Variants in CHMP3 observed in about 807,000 individuals in gnomAD.
CHMP3 encodes the protein 25.1 protein.
In CHMP3, 8 loss-of-function variants were observed where a neutral mutation model predicts 27.4. The observed-to-expected ratio is 0.29, with a 90% CI of 0.17 to 0.53. The LOEUF is 0.53. Among genes scored for constraint, CHMP3 ranks in the 20% least tolerant of loss-of-function variants. The probability of loss-of-function intolerance (pLI) is 0.96; values close to 1 mark genes in which losing one functional copy is unlikely to be tolerated. For synonymous variants in CHMP3, 86 were observed against 85.5 expected (o/e 1.01, Z -0.03); for missense variants, 208 against 271.5 (o/e 0.77, Z 1.64).
chr2:86,542,430 T>C, intron 1 of CHMP3, 118 bp from the exon 2 acceptor site: 1 of 1,024,224 alleles, frequency 9.8e-7, no homozygotes, highest in South Asian at 1.5e-5. Context: ...AAAAGCCATT[T>C]TCAAAGACAG....
chr2:86,536,358 C>T (rs1676141756), intron 2 of CHMP3, among the ~76,000 whole-genome samples: 2 of 152,200 alleles, frequency 1.3e-5, no homozygotes, highest in Non-Finnish European at 2.9e-5. Context: ...CTTCATACAT[C>T]ATCAAGTTAC....
chr2:86,554,265 T>G (rs949380995), intron 1 of CHMP3, among the ~76,000 whole-genome samples: 3 of 152,244 alleles, frequency 2.0e-5, no homozygotes, highest in African/African-American at 7.2e-5. Flanking sequence ...TATTTTGTGA[T>G]AGCAACTCAA....
intron 4 of CHMP3, among the ~76,000 whole-genome samples, chr2:86,509,960 T>C (rs1311384286): frequency 6.6e-6 from 1 of 152,226 alleles, no homozygotes; most frequent in Non-Finnish European, 1.5e-5. Context: ...TCTCCTTTTT[T>C]AGTTTAAAAC....
intron 3 of CHMP3, chr2:86,512,125 T>A (rs1046737461): frequency 1.3e-5 from 2 of 152,240 alleles, no homozygotes; most frequent in African/African-American, 2.4e-5. Context: ...GTGGTTGCTA[T>A]GGTTTGAATA....
At chr2:86,558,538 G>C (rs1453155146) in intron 1 of CHMP3, among the ~76,000 whole-genome samples, 1 of 152,148 alleles carries the variant, frequency 6.6e-6, no homozygotes, top group Non-Finnish European at 1.5e-5. Context: ...GAGCTCTGGA[G>C]ATACCACCCA....
intron 3 of CHMP3, among the ~76,000 whole-genome samples, chr2:86,527,899 T>G (rs1366963030): frequency 6.6e-6 from 1 of 150,510 alleles, no homozygotes; most frequent in Non-Finnish European, 1.5e-5. Flanking sequence ...AGGCGCAGAT[T>G]GCATTTAGCC....
intron 1 of CHMP3, among the ~76,000 whole-genome samples, chr2:86,547,013 ACTT>A (rs376630802): frequency 4.6e-5 from 7 of 152,184 alleles, no homozygotes; most frequent in African/African-American, 1.4e-4. Flanking sequence ...TGTTTTCTGA[ACTT>A]CTTCTTAAAG....
At chr2:86,518,471 GA>G (rs901976877) in intron 3 of CHMP3, among the ~76,000 whole-genome samples, 14 of 151,598 alleles carry the variant, frequency 9.2e-5, no homozygotes, top group African/African-American at 1.7e-4. Context: ...GCCTCCACTT[GA>G]AAAAAAATAA....
At chr2:86,549,725 CA>C (rs1462250596) in intron 1 of CHMP3, among the ~76,000 whole-genome samples, 2 of 135,642 alleles carry the variant, frequency 1.5e-5, no homozygotes, top group Non-Finnish European at 3.1e-5. Context: ...GGCGGCCGGG[CA>C]GAGGCACCCA....
At chr2:86,539,070 T>C (rs1676257631) in intron 2 of CHMP3, among the ~76,000 whole-genome samples, 1 of 152,192 alleles carries the variant, frequency 6.6e-6, no homozygotes, top group Non-Finnish European at 1.5e-5. Context: ...AAATTCATTT[T>C]GCAGTTGCTC....
rs1348972454 is a variant in CHMP3, at chr2:86,548,176, TCTC to T, written c.46-5867_46-5865del. Reference sequence around the variant, plus strand: ...TATGATTTCAGGTTAGAGGAGGAGTTCTCTTTTTTTTTTTTTTTTTTTTTAGTA... The same window carrying T: ...TATGATTTCAGGTTAGAGGAGGAGTTTTTTTTTTTTTTTTTTTTTTTAGTA... On this transcript the variant is annotated intron_variant, in intron 1 of 5. Coordinates refer to ENST00000263856, the MANE Select transcript of CHMP3 (RefSeq NM_016079.4). 1.6e-4 allele frequency among the ~76,000 whole-genome samples: 21 copies of T among 134,924 alleles called. 1 individual carries two copies. The highest frequency in any genetic ancestry group is 2.8e-4 in the Non-Finnish European group (18 of 63,446). 88.5% of individuals were successfully genotyped at this position (134,924 alleles called of 152,430 possible).
In CHMP3 at chr2:86,505,661, C is replaced by T; in HGVS notation, c.*143G>A. The stretch of plus-strand genomic sequence containing the variant: ...TTATAAGAACAATCCCTTTGCGATC[C>T]CAAAACCTGGGCAGAGAATGAAAAG... On this transcript the variant is annotated 3_prime_UTR_variant, in exon 6 of 6. Coordinates refer to ENST00000263856, the MANE Select transcript of CHMP3 (RefSeq NM_016079.4). The T allele has an allele frequency of 8.3e-7, 1 of 1,211,714 alleles. No homozygotes were observed. The highest frequency in any genetic ancestry group is 3.0e-5 in the Admixed American group (1 of 33,260). The allele number at this position is 1,211,714 out of a possible 1,614,324, so 75.1% of individuals were successfully genotyped here.
chr2:86,563,061 G>A (rs1016452848), intron 1 of CHMP3: 4 of 457,972 alleles, frequency 8.7e-6, no homozygotes, highest in South Asian at 7.8e-5. Flanking sequence ...TCAGTGGCGA[G>A]GTGGAGAAAC....
intron 3 of CHMP3, chr2:86,511,215 C>A (rs1246429723): frequency 6.6e-6 from 1 of 152,124 alleles, no homozygotes; most frequent in Admixed American, 6.5e-5. Context: ...ACACAGACTT[C>A]CTTCCTCCTG....
chr2:86,508,968 A>G (rs930324128), intron 4 of CHMP3, among the ~76,000 whole-genome samples: 4 of 152,196 alleles, frequency 2.6e-5, no homozygotes, highest in African/African-American at 9.7e-5. Context: ...TGGAGGTAGA[A>G]GTTGTCATTT....
chr2:86,563,398 A>C lies in CHMP3; in HGVS notation c.-50T>G, dbSNP rs769510800. On this transcript the variant is annotated 5_prime_UTR_variant, in exon 1 of 6. Coordinates refer to ENST00000263856, the MANE Select transcript of CHMP3 (RefSeq NM_016079.4). ...TTCCGGCTTTCAGTTCCCCGCGCCC[A>C]GGCAGGTCACGGGCAGCCGCCTGGG... The C allele has an allele frequency of 1.6e-5, 25 of 1,600,470 alleles. No homozygotes were observed. The South Asian group carries it at 2.1e-4, about 13-fold the overall frequency.
At chr2:86,559,655 T>C (rs1469070350) in intron 1 of CHMP3, among the ~76,000 whole-genome samples, 1 of 152,172 alleles carries the variant, frequency 6.6e-6, no homozygotes, top group African/African-American at 2.4e-5. Flanking sequence ...GACATTCTTC[T>C]AACAAACTAA....
chr2:86,503,768 G>A lies in CHMP3; in HGVS notation c.*2036C>T, dbSNP rs1006643044. On this transcript the variant is annotated 3_prime_UTR_variant, in exon 6 of 6. Transcript: ENST00000263856. ...AAGAACTATGGCGACAGTAAAAAGT[G>A]GTTGCCAAAGAAAGATCATGTCCTT... 1.4e-4 allele frequency: 22 copies of A among 152,222 alleles called. No homozygotes were observed. The highest frequency in any genetic ancestry group is 2.4e-4 in the Non-Finnish European group (16 of 68,046). The allele number at this position is 152,222 out of a possible 1,614,324, so 9.4% of individuals were successfully genotyped here.
intron 1 of CHMP3, among the ~76,000 whole-genome samples, chr2:86,554,443 A>G (rs1424439905): frequency 6.6e-6 from 1 of 152,230 alleles, no homozygotes; most frequent in Non-Finnish European, 1.5e-5. Flanking sequence ...GACAAGTCAC[A>G]TAACTGGAGA....
Sources: gnomAD v4.1 joint callset for allele counts (sites outside exome capture counted in the v4.1 genomes callset) on GRCh38, gnomAD v4.1.1 for gene constraint, MANE v1.5 for transcripts, NCBI Gene and HGNC (gene_info 2026-07-23, HGNC 2026-07-21) for gene names.